ZNF841: variants seen among roughly 807,000 people sequenced by gnomAD.
ZNF841 encodes the protein zinc finger protein 841.
A neutral mutation model predicts 13.0 loss-of-function variants in ZNF841; 11 were observed. The observed-to-expected ratio is 0.85, with a 90% CI of 0.53 to 1.40. ZNF841 has a LOEUF of 1.40. ZNF841 is among the 40% of genes most tolerant of loss of function. ZNF841 has a pLI of 0.00. For synonymous variants in ZNF841, 369 were observed against 381.6 expected, an observed-to-expected ratio of 0.97 and a Z score of 0.38; for missense variants, 1,068 against 1,139.5, an observed-to-expected ratio of 0.94 and a Z score of 0.90.
Position 52,066,564 on chromosome 19 carries a change from G to T in ZNF841, c.1318C>A (p.Gln440Lys). 1 of 1,613,358 alleles carries T rather than the reference G, an allele frequency of 6.2e-7. No homozygotes were observed. The highest frequency in any genetic ancestry group is 8.5e-7 in the Non-Finnish European group (1 of 1,179,668). The change falls in exon 7 of 7, where the codon CAG becomes AAG. Residue 440 changes from glutamine to lysine, a missense_variant. Coordinates refer to ENST00000594440, the MANE Select transcript of ZNF841 (RefSeq NM_001136499.2). ...TCDVCGKVFYQNSQLVRHQII... is the reference protein window; with the variant it reads ...TCDVCGKVFYKNSQLVRHQII... ...TGGTGCCTTACAAGTTGTGAATTCT[G>T]ATAAAAGACCTTGCCACATACATCA...
chr19:52,086,721 C>T (rs2088288548), intron 3 of ZNF841, among the ~76,000 whole-genome samples: 1 of 152,142 alleles, frequency 6.6e-6, no homozygotes, highest in South Asian at 2.1e-4. Context: ...GACACAGCAG[C>T]AGAGGAAAGT....
intron 6 of ZNF841, among the ~76,000 whole-genome samples, chr19:52,073,208 A>G (rs925617363): frequency 2.0e-5 from 3 of 152,244 alleles, no homozygotes; most frequent in Non-Finnish European, 2.9e-5. Flanking sequence ...TTCAAGATGA[A>G]TAACGACTTA....
At chr19:52,083,519 G>T (rs1043714135) in intron 4 of ZNF841, among the ~76,000 whole-genome samples, 8 of 150,856 alleles carry the variant, frequency 5.3e-5, no homozygotes, top group African/African-American at 1.7e-4. Context: ...CCAATTCCTT[G>T]GACTGTGAGG....
chr19:52,094,645 T>C (rs1381977688), intron 1 of ZNF841, among the ~76,000 whole-genome samples: 16 of 152,010 alleles, frequency 1.1e-4, no homozygotes, highest in Middle Eastern at 3.4e-3. Context: ...GCACCCCCAA[T>C]TTCCTAGGCT....
intron 3 of ZNF841, among the ~76,000 whole-genome samples, chr19:52,086,918 C>G (rs2088294626): frequency 6.6e-6 from 1 of 152,164 alleles, no homozygotes. Context: ...CAATTGGAGG[C>G]AACAAGTGAA....
chr19:52,065,246 C>T lies in ZNF841; in HGVS notation c.2636G>A (p.Cys879Tyr), dbSNP rs1310564632. 1.2e-6 allele frequency: 2 copies of T among 1,613,880 alleles called. No individual in the cohort carries two copies. The highest frequency in any genetic ancestry group is 1.7e-6 in the Non-Finnish European group (2 of 1,179,956). ...AATGTAAGATTTGCCACACTCATTA[C>T]ATTTATAAGGTTTTTCACTAGAATG... ...RIHSSEKPYK[C>Y]NECGKSYISR... Residue 879 changes from cysteine to tyrosine, a missense_variant, in exon 7 of 7, where the codon TGT becomes TAT. By Grantham distance (194) the Cys-to-Tyr change is radical. Transcript: ENST00000594440.
At chr19:52,088,039 C>CAAA (rs201567770) in intron 3 of ZNF841, among the ~76,000 whole-genome samples, 1 of 121,474 alleles carries the variant, frequency 8.2e-6, no homozygotes, top group Non-Finnish European at 1.8e-5. Context: ...CAAAATACTC[C>CAAA]AAAAAAAAAA....
intron 5 of ZNF841, 121 bp downstream of exon 5, chr19:52,076,837 T>A: frequency 2.4e-6 from 3 of 1,232,888 alleles, no homozygotes; most frequent in Non-Finnish European, 3.4e-6. Flanking sequence ...AGCTTTTTAT[T>A]TGTGAATCAA....
downstream of ZNF841, chr19:52,064,389 A>C (rs910689880): frequency 8.3e-5 from 12 of 145,444 alleles, no homozygotes; most frequent in East Asian, 4.0e-4. Flanking sequence ...AAAAAAAAAA[A>C]CTTAGCTATA....
intron 4 of ZNF841, among the ~76,000 whole-genome samples, chr19:52,080,138 A>G (rs1357243628): frequency 3.3e-5 from 5 of 152,204 alleles, no homozygotes; most frequent in African/African-American, 1.2e-4. Flanking sequence ...ACACACTTCT[A>G]AATTTTCATT....
chr19:52,076,543 G>T (rs896942809), intron 5 of ZNF841, among the ~76,000 whole-genome samples: 6 of 151,952 alleles, frequency 3.9e-5, no homozygotes, highest in South Asian at 2.1e-4. Flanking sequence ...TACTTGGAAG[G>T]CTAAGGTGGG....
At chr19:52,090,565 T>A (rs1247629695) in intron 2 of ZNF841, among the ~76,000 whole-genome samples, 1 of 149,158 alleles carries the variant, frequency 6.7e-6, no homozygotes, top group Non-Finnish European at 1.5e-5. Flanking sequence ...CCCCACTGCA[T>A]GCCAGCACTC....
At chr19:52,083,084 A>AT (rs1360783286) in intron 4 of ZNF841, among the ~76,000 whole-genome samples, 1 of 152,102 alleles carries the variant, frequency 6.6e-6, no homozygotes, top group Non-Finnish European at 1.5e-5. Flanking sequence ...CGTCTCAAAA[A>AT]AAAAAAAAAA....
intron 6 of ZNF841, among the ~76,000 whole-genome samples, chr19:52,072,580 G>T (rs180788159): frequency 6.6e-6 from 1 of 152,124 alleles, no homozygotes; most frequent in Non-Finnish European, 1.5e-5. Flanking sequence ...GGTGGCTCAC[G>T]CCTGTAATCC....
downstream of ZNF841, among the ~76,000 whole-genome samples, chr19:52,060,590 A>C (rs569834200): frequency 2.7e-5 from 4 of 150,330 alleles, no homozygotes; most frequent in East Asian, 7.8e-4. Flanking sequence ...GTTTCCTAGT[A>C]GCTCGTTGGT....
intron 3 of ZNF841, among the ~76,000 whole-genome samples, chr19:52,086,752 A>T (rs1181908694): frequency 1.3e-5 from 2 of 152,258 alleles, no homozygotes; most frequent in Non-Finnish European, 2.9e-5. Flanking sequence ...CAGGGAGGTG[A>T]CAAGAAAATC....
chr19:52,090,695 GAAA>G (rs2088459815), intron 2 of ZNF841, among the ~76,000 whole-genome samples: 2 of 149,582 alleles, frequency 1.3e-5, no homozygotes, highest in African/African-American at 4.9e-5. Context: ...AAGAAAGAAA[GAAA>G]GAAAGAAAGA....
At chr19:52,080,397 T>C (rs972298349) in intron 4 of ZNF841, among the ~76,000 whole-genome samples, 2 of 152,058 alleles carry the variant, frequency 1.3e-5, no homozygotes, top group Non-Finnish European at 2.9e-5. Flanking sequence ...TGAAGGAAAA[T>C]TTGAAGCATC....
chr19:52,077,092 G>T lies in ZNF841; in HGVS notation c.16-8C>A, dbSNP rs1568542318. 1 of 1,603,266 alleles carries T rather than the reference G, an allele frequency of 6.2e-7. No homozygotes were observed. The highest frequency in any genetic ancestry group is 2.2e-5 in the East Asian group (1 of 44,610). Reference sequence around the variant, plus strand: ...CCTGAATGTCAAAGATCCCTGAAATGAAAAACACATTTCAATATGAGCAGT... The same window carrying T: ...CCTGAATGTCAAAGATCCCTGAAATTAAAAACACATTTCAATATGAGCAGT... On this transcript the variant is annotated splice_polypyrimidine_tract_variant and splice_region_variant and intron_variant, in intron 4 of 6. Transcript: ENST00000594440.
Sources: gnomAD v4.1 joint callset for allele counts (sites outside exome capture counted in the v4.1 genomes callset) on GRCh38, gnomAD v4.1.1 for gene constraint, MANE v1.5 for transcripts, NCBI Gene and HGNC (gene_info 2026-07-23, HGNC 2026-07-21) for gene names.